Variants in OTOGL observed in about 807,000 individuals in gnomAD.
OTOGL encodes the protein otogelin like.
In OTOGL, 285 loss-of-function variants were observed where a neutral mutation model predicts 318.5. The ratio of observed to expected loss-of-function variants is 0.89; its 90% CI spans 0.81 to 0.99. The LOEUF is 0.99. Ranked by LOEUF, OTOGL falls within the 50% of genes least tolerant of loss-of-function variation. The probability of loss-of-function intolerance (pLI) is 0.00; values close to 1 mark genes in which losing one functional copy is unlikely to be tolerated. For synonymous variants in OTOGL, 987 were observed against 936.5 expected (o/e 1.05, Z -0.99); for missense variants, 2,899 against 2,845.6 (o/e 1.02, Z -0.43).
At chr12:80,237,445 T>C (rs1382229382) in intron 9 of OTOGL, among the ~76,000 whole-genome samples, 1 of 152,120 alleles carries the variant, frequency 6.6e-6, no homozygotes, top group African/African-American at 2.4e-5. Context: ...CTCTGAGGCA[T>C]ACATTAAACA....
rs1882202102 is a variant in OTOGL at position 80,257,911 on chromosome 12, G to A, written c.1798G>A (p.Glu600Lys). Residue 600 changes from glutamate (E) to lysine (K), a missense_variant, in exon 18 of 59, where the codon GAA becomes AAA. Transcript: ENST00000547103. ...GLKILFAIDG[E>K]RIYIQLTSAW... Reference sequence around the variant, plus strand: ...AAAGATTCTGTTTGCTATAGATGGGGAAAGAATTTATATTCAGCTTACTAG... The same window carrying A: ...AAAGATTCTGTTTGCTATAGATGGGAAAAGAATTTATATTCAGCTTACTAG... The A allele has an allele frequency of 6.3e-7, 1 of 1,597,682 alleles. No individual in the cohort carries two copies. Among genetic ancestry groups the A allele is most frequent in the Non-Finnish European group, 8.5e-7 (1 of 1,178,918 alleles).
chr12:80,356,522 TA>T lies in OTOGL; in HGVS notation c.5911+4del, dbSNP rs762548802. The stretch of plus-strand genomic sequence containing the variant: ...CTTGCTGTCCACAGTACAAATGTGG[TA>T]AGTAATCAATATAGAAAATTAAGAG... On this transcript the variant is annotated splice_donor_region_variant and intron_variant, in intron 48 of 58. Coordinates refer to ENST00000547103, the MANE Select transcript of OTOGL (RefSeq NM_001378609.3). 6.3e-7 allele frequency: 1 copy of T among 1,575,056 alleles called. No individual in the cohort carries two copies. The highest frequency in any genetic ancestry group is 1.4e-5 in the African/African-American group (1 of 73,518).
At chr12:80,286,830 A>T (rs1033969811) in intron 26 of OTOGL, among the ~76,000 whole-genome samples, 2 of 152,070 alleles carry the variant, frequency 1.3e-5, no homozygotes, top group Admixed American at 6.6e-5. Context: ...CTTTTCAAAA[A>T]ACCAGCTCCT....
chr12:80,258,042 G>T, intron 18 of OTOGL, 40 bp downstream of exon 18: 3 of 1,458,104 alleles, frequency 2.1e-6, no homozygotes, highest in Non-Finnish European at 2.7e-6. Context: ...CTTAATGACT[G>T]GTCATTTAAA....
chr12:80,153,164 T>G (rs1872895081), intron 1 of OTOGL, among the ~76,000 whole-genome samples: 3 of 152,274 alleles, frequency 2.0e-5, no homozygotes, highest in East Asian at 1.9e-4. Flanking sequence ...CAATGGAAAT[T>G]TATTTCTTAT....
At chr12:80,207,523 T>A (rs1029468447) in intron 1 of OTOGL, among the ~76,000 whole-genome samples, 9 of 152,140 alleles carry the variant, frequency 5.9e-5, no homozygotes, top group Admixed American at 3.3e-4. Context: ...TGGAAATTTT[T>A]AAGTCAAGCA....
At chr12:80,356,966 A>AT (rs1465456308) in intron 49 of OTOGL, 52 bp downstream of exon 49, 13 of 1,213,090 alleles carry the variant, frequency 1.1e-5, no homozygotes, top group Non-Finnish European at 1.5e-5. Context: ...TCTAGGAAAA[A>AT]AATCTCTTAT....
At chr12:80,318,520 T>C in intron 32 of OTOGL, 26 bp from the exon 33 acceptor site, 1 of 1,212,692 alleles carries the variant, frequency 8.2e-7, no homozygotes, top group Non-Finnish European at 1.1e-6. Context: ...TGCCAATTTA[T>C]AATTCTAATA....
chr12:80,191,103 A>G (rs1458670684), intron 1 of OTOGL, among the ~76,000 whole-genome samples: 1 of 152,122 alleles, frequency 6.6e-6, no homozygotes, highest in East Asian at 1.9e-4. Flanking sequence ...ACCTGGCCAT[A>G]TGACATCTTC....
At position 80,255,057 on chromosome 12, in the gene OTOGL, G is replaced by T; in HGVS notation, c.1459G>T (p.Gly487Cys). ...TTTGGCAGTTCAATGCTCAGTTGTA[G>T]GTGATTCTCACTTTACAACTTTTGA... ...QDCPVQCSVV[G>C]DSHFTTFDGR... Residue 487 changes from glycine to cysteine, a missense_variant, in exon 16 of 59, where the codon GGT becomes TGT. By Grantham distance (159) the Gly-to-Cys change is radical (BLOSUM62 -3). This residue lies in a region of OTOGL where 2,607 missense variants were observed against 2,524.9 expected (regional missense o/e 1.03). Coordinates refer to ENST00000547103, the MANE Select transcript of OTOGL (RefSeq NM_001378609.3). The T allele has an allele frequency of 1.3e-6, 2 of 1,497,958 alleles. No homozygotes were observed. Among genetic ancestry groups the T allele is most frequent in the South Asian group, 2.7e-5 (2 of 74,580 alleles). 92.8% of individuals were successfully genotyped at this position (1,497,958 alleles called of 1,614,324 possible).
chr12:80,160,261 G>C (rs572934312), intron 1 of OTOGL, among the ~76,000 whole-genome samples: 2 of 152,014 alleles, frequency 1.3e-5, no homozygotes, highest in Non-Finnish European at 2.9e-5. Flanking sequence ...AAACTAAAAA[G>C]CTTCTTCACA....
intron 1 of OTOGL, among the ~76,000 whole-genome samples, chr12:80,100,805 T>G (rs531526600): frequency 6.6e-6 from 1 of 152,226 alleles, no homozygotes; most frequent in Non-Finnish European, 1.5e-5. Context: ...TTCATCTTAA[T>G]GAATAAATCC....
chr12:80,143,874 A>T (rs1872123009), intron 1 of OTOGL, among the ~76,000 whole-genome samples: 1 of 152,144 alleles, frequency 6.6e-6, no homozygotes, highest in Non-Finnish European at 1.5e-5. Flanking sequence ...CTCATGTAGT[A>T]TGCTATTCAG....
chr12:80,215,166 C>CTT (rs34875604), intron 4 of OTOGL, among the ~76,000 whole-genome samples: 31 of 129,008 alleles, frequency 2.4e-4, no homozygotes, highest in African/African-American at 3.4e-4. Context: ...GTTTACAAGT[C>CTT]TTTTTTTTTT....
intron 46 of OTOGL, among the ~76,000 whole-genome samples, chr12:80,354,335 G>A (rs1889743367): frequency 6.6e-6 from 1 of 152,178 alleles, no homozygotes; most frequent in Non-Finnish European, 1.5e-5. Context: ...CTGGCGCCAT[G>A]CCCCTTGAAC....
chr12:80,328,618 A>G lies in OTOGL; in HGVS notation c.4200-47A>G, dbSNP rs764659298. On this transcript the variant is annotated intron_variant, in intron 35 of 58. Transcript: ENST00000547103. The stretch of plus-strand genomic sequence containing the variant: ...TTAAATGTAGTCCTTTTTTTTTTGT[A>G]TTTCAAACTTTTCTTCACTTTGATT... The G allele has an allele frequency of 6.1e-6, 8 of 1,313,574 alleles. No individual in the cohort carries two copies. In the African/African-American group the frequency reaches 7.5e-5, roughly 12 times the overall value. The allele number at this position is 1,313,574 out of a possible 1,614,324, so 81.4% of individuals were successfully genotyped here.
intron 1 of OTOGL, among the ~76,000 whole-genome samples, chr12:80,118,735 G>A (rs1344493486): frequency 6.6e-6 from 1 of 152,096 alleles, no homozygotes; most frequent in African/African-American, 2.4e-5. Flanking sequence ...TTGTACCAGT[G>A]AGAACATATT....
At position 80,323,784 on chromosome 12, in the gene OTOGL, A is replaced by G. The variant is rs772928323; in HGVS notation, c.4143A>G (p.Thr1381=). 1 of 1,613,932 alleles carries G rather than the reference A, an allele frequency of 6.2e-7. No homozygotes were observed. The highest frequency in any genetic ancestry group is 2.2e-5 in the East Asian group (1 of 44,878). The change falls in exon 35 of 59, where the codon ACA becomes ACG. Residue 1381 remains threonine, a synonymous_variant. Transcript: ENST00000547103. ...MCEWRYEPCA[T]PCFKTCSDPE... ...AATGGAGATATGAACCTTGTGCTAC[A>G]CCCTGTTTTAAAACATGTAGTGACC...
chr12:80,124,768 G>A (rs1429982977), intron 1 of OTOGL, among the ~76,000 whole-genome samples: 2 of 151,946 alleles, frequency 1.3e-5, no homozygotes, highest in Admixed American at 1.3e-4. Context: ...CTTGTAAGTT[G>A]GATTCCTAGG....
Sources: allele counts gnomAD v4.1 joint callset (sites outside exome capture counted in the v4.1 genomes callset), GRCh38; gene constraint gnomAD v4.1.1; regional missense constraint gnomAD v4.1.1; transcripts MANE v1.5; gene names NCBI Gene and HGNC (gene_info 2026-07-23, HGNC 2026-07-21).